GLIS3: variants seen among roughly 807,000 people sequenced by gnomAD.
GLIS3 encodes the protein zinc finger protein GLIS3.
In GLIS3, 53 loss-of-function variants were observed where a neutral mutation model predicts 78.6. The ratio of observed to expected loss-of-function variants is 0.67; its 90% CI spans 0.54 to 0.85. The LOEUF is 0.85. GLIS3 is among the 40% of genes least tolerant of loss of function. The pLI, the probability that GLIS3 is intolerant of heterozygous loss-of-function variation, is 0.00. For synonymous variants in GLIS3, 684 were observed against 509.9 expected, an observed-to-expected ratio of 1.34 and a Z score of -4.60; for missense variants, 1,703 against 1,231.1, an observed-to-expected ratio of 1.38 and a Z score of -5.74.
chr9:4,013,375 A>G (rs1483906073), intron 4 of GLIS3, among the ~76,000 whole-genome samples: 1 of 152,178 alleles, frequency 6.6e-6, no homozygotes, highest in African/African-American at 2.4e-5. Flanking sequence ...TTTATTCCCA[A>G]TATCCAAGGA....
chr9:3,959,839 G>T (rs1817424570), intron 4 of GLIS3, among the ~76,000 whole-genome samples: 1 of 152,212 alleles, frequency 6.6e-6, no homozygotes. Flanking sequence ...AATCCAATAT[G>T]TGTGGTCCCT....
At chr9:3,961,401 G>C (rs955346955) in intron 4 of GLIS3, among the ~76,000 whole-genome samples, 3 of 152,156 alleles carry the variant, frequency 2.0e-5, no homozygotes, top group African/African-American at 4.8e-5. Flanking sequence ...CTCCAGCTTT[G>C]ACAAAATTCA....
At chr9:4,489,737 C>T in the GLIS3 span, among the ~76,000 whole-genome samples, 1 of 152,176 alleles carries the variant, frequency 6.6e-6, no homozygotes, top group Admixed American at 6.5e-5. Context: ...AATCACTGCC[C>T]CAAGCCTCCA....
chr9:4,207,049 A>G (rs1819943434), intron 2 of GLIS3, among the ~76,000 whole-genome samples: 2 of 152,292 alleles, frequency 1.3e-5, no homozygotes, highest in South Asian at 4.1e-4. Flanking sequence ...AAATAACAGA[A>G]TCCCTAGACC....
intron 2 of GLIS3, among the ~76,000 whole-genome samples, chr9:4,269,890 G>C (rs969522196): frequency 1.3e-5 from 2 of 152,046 alleles, no homozygotes; most frequent in Admixed American, 1.3e-4. Context: ...AGTGAAACCT[G>C]GAAACAAGCC....
chr9:4,170,069 C>T (rs1355017286), intron 2 of GLIS3, among the ~76,000 whole-genome samples: 2 of 152,092 alleles, frequency 1.3e-5, no homozygotes, highest in Non-Finnish European at 2.9e-5. Context: ...TAGAAACTGC[C>T]TTAAACCATA....
the GLIS3 span, among the ~76,000 whole-genome samples, chr9:4,393,169 G>A: frequency 6.6e-6 from 1 of 152,002 alleles, no homozygotes. Flanking sequence ...CAGGTTCACT[G>A]GTTGCTTACA....
At chr9:4,486,623 T>G in the GLIS3 span, among the ~76,000 whole-genome samples, 5 of 152,210 alleles carry the variant, frequency 3.3e-5, no homozygotes, top group Admixed American at 2.0e-4. Context: ...CCTTTTCTCC[T>G]ATTAATAAAT....
the GLIS3 span, among the ~76,000 whole-genome samples, chr9:4,423,454 C>A: frequency 6.6e-6 from 1 of 152,106 alleles, no homozygotes; most frequent in Non-Finnish European, 1.5e-5. Context: ...ACACCCCTCC[C>A]CCAGACCTTT....
intron 6 of GLIS3, among the ~76,000 whole-genome samples, chr9:3,912,980 T>C (rs1250207719): frequency 6.6e-6 from 1 of 152,186 alleles, no homozygotes; most frequent in Non-Finnish European, 1.5e-5. Context: ...CATTCAAGTG[T>C]AGCATTTTTC....
chr9:4,393,939 G>C, the GLIS3 span, among the ~76,000 whole-genome samples: 5 of 152,108 alleles, frequency 3.3e-5, no homozygotes, highest in Non-Finnish European at 2.9e-5. Flanking sequence ...CAGTGGGCCT[G>C]AGTGTGAATT....
At chr9:4,469,981 C>T in the GLIS3 span, among the ~76,000 whole-genome samples, 2 of 151,802 alleles carry the variant, frequency 1.3e-5, no homozygotes, top group African/African-American at 2.4e-5. Flanking sequence ...ACACAAACTA[C>T]CATCAGAGAA....
the GLIS3 span, among the ~76,000 whole-genome samples, chr9:4,468,155 C>G: frequency 6.6e-6 from 1 of 151,582 alleles, no homozygotes; most frequent in African/African-American, 2.4e-5. Context: ...GACCAAATAT[C>G]TGATTGGTGT....
chr9:4,369,701 T>G, the GLIS3 span, among the ~76,000 whole-genome samples: 475 of 152,298 alleles, frequency 3.1e-3, 3 homozygotes, highest in Non-Finnish European at 5.2e-3. Context: ...CAAATGTGAT[T>G]ATTGGAAGAC....
the GLIS3 span, among the ~76,000 whole-genome samples, chr9:4,381,748 T>A: frequency 1.3e-5 from 2 of 152,186 alleles, no homozygotes; most frequent in Non-Finnish European, 2.9e-5. Flanking sequence ...GCTGTGGGAA[T>A]CCACAAACTC....
intron 2 of GLIS3, among the ~76,000 whole-genome samples, chr9:4,178,037 G>C (rs554855446): frequency 6.6e-6 from 1 of 152,320 alleles, no homozygotes; most frequent in African/African-American, 2.4e-5. Flanking sequence ...AATTTATGGA[G>C]TGAAGCTAGC....
At chr9:4,383,100 A>G in the GLIS3 span, among the ~76,000 whole-genome samples, 1 of 152,224 alleles carries the variant, frequency 6.6e-6, no homozygotes, top group African/African-American at 2.4e-5. Context: ...AAATGATGCC[A>G]TGACCTGAGG....
At chr9:4,296,300 A>G (rs1816499929) in intron 1 of GLIS3, among the ~76,000 whole-genome samples, 1 of 152,110 alleles carries the variant, frequency 6.6e-6, no homozygotes, top group East Asian at 1.9e-4. Flanking sequence ...AGGAAAAAAA[A>G]AAAAAAAAAA....
At chr9:4,402,593 A>C in the GLIS3 span, among the ~76,000 whole-genome samples, 1 of 152,232 alleles carries the variant, frequency 6.6e-6, no homozygotes, top group Non-Finnish European at 1.5e-5. Flanking sequence ...GAAGGAATTC[A>C]GAATTCTATC....
Sources: gnomAD v4.1 joint callset for allele counts (sites outside exome capture counted in the v4.1 genomes callset) on GRCh38, gnomAD v4.1.1 for gene constraint, MANE v1.5 for transcripts, NCBI Gene and HGNC (gene_info 2026-07-23, HGNC 2026-07-21) for gene names.